Variants in RBFOX2 observed in about 807,000 individuals in gnomAD.
RBFOX2 encodes RNA binding protein fox-1 homolog 2.
In RBFOX2, 10 loss-of-function variants were observed where a neutral mutation model predicts 49.1. The ratio of observed to expected loss-of-function variants is 0.20; its 90% CI spans 0.13 to 0.35. The LOEUF (loss-of-function observed/expected upper bound fraction) is 0.35, where lower values mean the gene tolerates loss of function less well. Among genes scored for constraint, RBFOX2 ranks in the 10% least tolerant of loss-of-function variants. RBFOX2 has a pLI of 1.00. For missense variants in RBFOX2, 323 were observed against 486.9 expected (o/e 0.66, Z 3.17); for synonymous variants, 183 against 187.4 (o/e 0.98, Z 0.19).
chr22:35,823,812 C>G (rs1955047807), intron 1 of RBFOX2, among the ~76,000 whole-genome samples: 1 of 152,104 alleles, frequency 6.6e-6, no homozygotes, highest in African/African-American at 2.4e-5. Context: ...ATAAATTAGA[C>G]ACATTTAAAT....
At chr22:35,863,536 C>T (rs2043333172) in intron 1 of RBFOX2, among the ~76,000 whole-genome samples, 1 of 152,116 alleles carries the variant, frequency 6.6e-6, no homozygotes, top group South Asian at 2.1e-4. Context: ...TCATGCCTTA[C>T]AGATGAGCTG....
chr22:35,821,720 G>C (rs1184285410), intron 1 of RBFOX2: 1 of 516,832 alleles, frequency 1.9e-6, no homozygotes, highest in Non-Finnish European at 3.9e-6. Flanking sequence ...TCCCAGGCCA[G>C]AGGCTGCCAT....
intron 1 of RBFOX2, among the ~76,000 whole-genome samples, chr22:35,928,802 A>T (rs1345935488): frequency 6.6e-6 from 1 of 152,180 alleles, no homozygotes; most frequent in Non-Finnish European, 1.5e-5. Context: ...TAGACATCTC[A>T]CCAAAGCAAA....
intron 9 of RBFOX2, 38 bp from the exon 11 acceptor site, chr22:35,756,182 CAAAAG>C (rs751626640): frequency 6.8e-7 from 1 of 1,481,144 alleles, no homozygotes; most frequent in Non-Finnish European, 9.0e-7. Flanking sequence ...ACAAAAAAAA[CAAAAG>C]AACAGAAACA....
intron 4 of RBFOX2, among the ~76,000 whole-genome samples, chr22:35,771,079 G>A (rs1457154110): frequency 6.6e-6 from 1 of 152,052 alleles, no homozygotes; most frequent in Non-Finnish European, 1.5e-5. Context: ...CTTTGCAATA[G>A]GCCAAATAAT....
intron 1 of RBFOX2, among the ~76,000 whole-genome samples, chr22:35,954,643 C>G (rs1434521814): frequency 2.0e-5 from 3 of 152,168 alleles, no homozygotes; most frequent in African/African-American, 7.2e-5. Flanking sequence ...ATATCCCAAG[C>G]CTTGCCCCAC....
chr22:35,838,064 T>A (rs988940949), intron 1 of RBFOX2, among the ~76,000 whole-genome samples: 2 of 152,052 alleles, frequency 1.3e-5, no homozygotes, highest in African/African-American at 4.8e-5. Context: ...AAATAAATAA[T>A]GAAAAGTCAA....
At chr22:35,757,227 A>G (rs1427636929) in intron 9 of RBFOX2, among the ~76,000 whole-genome samples, 2 of 151,938 alleles carry the variant, frequency 1.3e-5, no homozygotes, top group African/African-American at 4.8e-5. Context: ...TGACTTTAAA[A>G]AAAAAAAAAA....
intron 2 of RBFOX2, among the ~76,000 whole-genome samples, chr22:35,808,522 T>C (rs1217966728): frequency 2.0e-5 from 3 of 152,174 alleles, no homozygotes; most frequent in African/African-American, 7.2e-5. Context: ...GGTCTTTCTA[T>C]GCAGACTGTA....
At chr22:35,841,908 A>G (rs181732563), upstream of RBFOX2, among the ~76,000 whole-genome samples, 1 of 152,258 alleles carries the variant, frequency 6.6e-6, no homozygotes, top group East Asian at 1.9e-4. Flanking sequence ...AATGTTCTGT[A>G]TTGGCCAGGC....
At chr22:35,897,570 C>T in intron 1 of RBFOX2, 2 of 931,730 alleles carry the variant, frequency 2.1e-6, no homozygotes, top group Admixed American at 1.7e-5. Flanking sequence ...CAAAGATGTA[C>T]TTCACCAGGT....
intron 1 of RBFOX2, chr22:35,996,357 T>C (rs56223112): frequency 0.078 from 11,933 of 152,264 alleles, 481 homozygotes; most frequent in African/African-American, 0.088. Flanking sequence ...CTTATATCTG[T>C]AATCCCAGCA....
chr22:35,856,765 G>T (rs1248781262), intron 1 of RBFOX2, among the ~76,000 whole-genome samples: 2 of 152,146 alleles, frequency 1.3e-5, no homozygotes, highest in African/African-American at 4.8e-5. Context: ...AGGCACGGTG[G>T]CTCACACCTG....
At chr22:35,955,324 T>A (rs1297538800) in intron 1 of RBFOX2, among the ~76,000 whole-genome samples, 1 of 152,212 alleles carries the variant, frequency 6.6e-6, no homozygotes, top group Non-Finnish European at 1.5e-5. Flanking sequence ...TGAGTACTTT[T>A]AAAAATATGT....
intron 1 of RBFOX2, among the ~76,000 whole-genome samples, chr22:35,938,613 T>C (rs1048682264): frequency 2.6e-5 from 4 of 152,194 alleles, no homozygotes; most frequent in Non-Finnish European, 4.4e-5. Flanking sequence ...AAACCAATCA[T>C]GACTGTGCTT....
chr22:35,745,953 G>C, exon 11 of RBFOX2: 1 of 1,614,032 alleles, frequency 6.2e-7, no homozygotes, highest in Non-Finnish European at 8.5e-7. Flanking sequence ...TAGCGGCAGG[G>C]GCAAGGGCAT....
intron 1 of RBFOX2, among the ~76,000 whole-genome samples, chr22:35,937,322 C>T (rs999720914): frequency 5.3e-5 from 8 of 152,294 alleles, no homozygotes; most frequent in Admixed American, 4.6e-4. Context: ...TAAATCTTTA[C>T]ATTCTCTTTA....
intron 1 of RBFOX2, among the ~76,000 whole-genome samples, chr22:35,982,424 G>T (rs958535171): frequency 6.6e-6 from 1 of 152,018 alleles, no homozygotes; most frequent in Non-Finnish European, 1.5e-5. Context: ...CCACATTATA[G>T]GTCTTGTTGG....
intron 1 of RBFOX2, among the ~76,000 whole-genome samples, chr22:35,909,303 T>C (rs2049496532): frequency 2.0e-5 from 3 of 152,152 alleles, no homozygotes; most frequent in Middle Eastern, 6.8e-3. Context: ...TAAACATATA[T>C]ATATGAAAAA....
Sources: gnomAD v4.1 joint callset for allele counts (sites outside exome capture counted in the v4.1 genomes callset) on GRCh38, gnomAD v4.1.1 for gene constraint, MANE v1.5 for transcripts, NCBI Gene and HGNC (gene_info 2026-07-23, HGNC 2026-07-21) for gene names.